CDH13: variants seen among roughly 807,000 people sequenced by gnomAD.
CDH13 encodes cadherin 13.
Under a neutral mutation model 63.8 loss-of-function variants are expected in CDH13, and 24 were observed. The ratio of observed to expected loss-of-function variants is 0.38; its 90% CI spans 0.27 to 0.53. CDH13 has a LOEUF of 0.53. CDH13 is among the 20% of genes least tolerant of loss of function. The pLI, the probability that CDH13 is intolerant of heterozygous loss-of-function variation, is 0.85. For missense variants in CDH13, 1,049 were observed against 903.1 expected, an observed-to-expected ratio of 1.16 and a Z score of -2.07; for synonymous variants, 503 against 355.3, an observed-to-expected ratio of 1.42 and a Z score of -4.67.
At chr16:83,750,880 C>G (rs75582920) in intron 11 of CDH13, among the ~76,000 whole-genome samples, 1,992 of 151,770 alleles carry the variant, frequency 0.013, 15 homozygotes, top group Non-Finnish European at 0.017. Flanking sequence ...TTTGTTATGG[C>G]AACTCTAGCA....
At chr16:83,448,355 C>A (rs896483872) in intron 6 of CDH13, among the ~76,000 whole-genome samples, 1 of 152,120 alleles carries the variant, frequency 6.6e-6, no homozygotes, top group Non-Finnish European at 1.5e-5. Context: ...AAGATACCAA[C>A]TTCAGCTTGG....
At chr16:83,741,422 C>T (rs990346059) in intron 10 of CDH13, among the ~76,000 whole-genome samples, 1 of 151,818 alleles carries the variant, frequency 6.6e-6, no homozygotes, top group African/African-American at 2.4e-5. Context: ...ATCTCCTCTC[C>T]TTTCGTAGTT....
intron 10 of CDH13, among the ~76,000 whole-genome samples, chr16:83,722,043 G>A (rs1275733381): frequency 6.6e-6 from 1 of 152,066 alleles, no homozygotes; most frequent in African/African-American, 2.4e-5. Context: ...AGGATCCAGG[G>A]GACACTGGAG....
At chr16:83,705,846 C>T (rs1467710158) in intron 10 of CDH13, among the ~76,000 whole-genome samples, 1 of 152,184 alleles carries the variant, frequency 6.6e-6, no homozygotes, top group Non-Finnish European at 1.5e-5. Context: ...CAAGCACCAA[C>T]AATCTCTATG....
intron 6 of CDH13, among the ~76,000 whole-genome samples, chr16:83,426,791 T>C (rs903738710): frequency 1.3e-5 from 2 of 151,950 alleles, no homozygotes; most frequent in Admixed American, 1.3e-4. Flanking sequence ...AAACTTCTTA[T>C]TAACATGACC....
chr16:83,628,007 C>T (rs578242840), intron 8 of CDH13, among the ~76,000 whole-genome samples: 3 of 152,250 alleles, frequency 2.0e-5, no homozygotes, highest in African/African-American at 7.2e-5. Flanking sequence ...ACTGTCATAG[C>T]GCTGGTGGGA....
chr16:83,362,810 A>G (rs575692931), intron 6 of CDH13, among the ~76,000 whole-genome samples: 2 of 152,306 alleles, frequency 1.3e-5, no homozygotes, highest in Admixed American at 1.3e-4. Flanking sequence ...ATAAGCATTC[A>G]GTCCTGCTCC....
At chr16:83,264,258 A>G (rs914308218) in intron 5 of CDH13, among the ~76,000 whole-genome samples, 1 of 152,298 alleles carries the variant, frequency 6.6e-6, no homozygotes, top group Non-Finnish European at 1.5e-5. Flanking sequence ...ACAGGTTGTC[A>G]TTTTAGCAGT....
intron 6 of CDH13, among the ~76,000 whole-genome samples, chr16:83,406,034 C>T (rs115135855): frequency 0.017 from 2,591 of 152,312 alleles, 80 homozygotes; most frequent in African/African-American, 0.06. Context: ...AGCTTCTCCC[C>T]GCTTTTCCAG....
intron 2 of CDH13, among the ~76,000 whole-genome samples, chr16:82,901,946 C>T (rs372945743): frequency 2.6e-5 from 4 of 152,148 alleles, no homozygotes; most frequent in African/African-American, 9.7e-5. Context: ...AAAATCTGAG[C>T]GGTGTTAGCA....
intron 2 of CDH13, among the ~76,000 whole-genome samples, chr16:82,879,940 A>T (rs999937638): frequency 2.3e-5 from 3 of 128,330 alleles, no homozygotes; most frequent in Non-Finnish European, 4.7e-5. Flanking sequence ...TATATAATAT[A>T]TATTATAACA....
intron 10 of CDH13, among the ~76,000 whole-genome samples, chr16:83,694,855 C>A (rs922691971): frequency 2.6e-5 from 4 of 152,042 alleles, no homozygotes; most frequent in African/African-American, 4.8e-5. Flanking sequence ...TAAGGGGATA[C>A]CGAAAAACTC....
chr16:82,873,729 T>C (rs1375848579), intron 2 of CDH13, among the ~76,000 whole-genome samples: 2 of 152,324 alleles, frequency 1.3e-5, no homozygotes, highest in African/African-American at 4.8e-5. Context: ...TTTAAAAGAA[T>C]AAGGCTGGGG....
chr16:83,041,801 A>G (rs771258916), intron 3 of CDH13, among the ~76,000 whole-genome samples: 2 of 152,216 alleles, frequency 1.3e-5, no homozygotes, highest in African/African-American at 2.4e-5. Flanking sequence ...TCATCTGTAC[A>G]ATGGACATAA....
At chr16:82,861,389 C>T (rs2039940221) in intron 2 of CDH13, among the ~76,000 whole-genome samples, 2 of 152,174 alleles carry the variant, frequency 1.3e-5, no homozygotes, top group Non-Finnish European at 2.9e-5. Context: ...CTTCACTTTT[C>T]TTTAAAGTTG....
intron 1 of CDH13, among the ~76,000 whole-genome samples, chr16:82,719,080 A>T (rs1039422703): frequency 2.6e-5 from 4 of 152,178 alleles, no homozygotes; most frequent in Admixed American, 6.5e-5. Context: ...ATGAGCCTTA[A>T]ATCAGCTATG....
In CDH13 at chr16:83,743,748, C is replaced by CTTTTTTTTTTTTTT; in HGVS notation, c.1539-4354_1539-4341dup. ...TGATGAGTTGCCTTTTTTCTTTTTT[C>CTTTTTTTTTTTTTT]TTTTTTTTTTTTTTTTTTTCTTTGC... is the stretch of plus-strand genomic sequence containing the variant. On this transcript the variant is annotated intron_variant, in intron 10 of 13. Coordinates refer to ENST00000567109, the MANE Select transcript of CDH13 (RefSeq NM_001257.5). 5.4e-3 allele frequency among the ~76,000 whole-genome samples: 412 copies of CTTTTTTTTTTTTTT among 76,268 alleles called. 42 individuals are homozygous for CTTTTTTTTTTTTTT. Among genetic ancestry groups the CTTTTTTTTTTTTTT allele is most frequent in the East Asian group, 8.4e-3 (18 of 2,134 alleles). 50.0% of individuals were successfully genotyped at this position (76,268 alleles called of 152,430 possible).
intron 6 of CDH13, among the ~76,000 whole-genome samples, chr16:83,438,495 G>GTC (rs1394732364): frequency 2.6e-5 from 4 of 152,236 alleles, no homozygotes; most frequent in African/African-American, 4.8e-5. Context: ...AACATTCTAA[G>GTC]TCGAGGTATG....
intron 10 of CDH13, among the ~76,000 whole-genome samples, chr16:83,730,457 A>G (rs1367955405): frequency 1.3e-5 from 2 of 152,232 alleles, no homozygotes; most frequent in Non-Finnish European, 2.9e-5. Context: ...GTTTCCCTCT[A>G]GAATGTTGTT....
Sources: allele counts gnomAD v4.1 joint callset (sites outside exome capture counted in the v4.1 genomes callset), GRCh38; gene constraint gnomAD v4.1.1; transcripts MANE v1.5; gene names NCBI Gene and HGNC (gene_info 2026-07-23, HGNC 2026-07-21).